The following CCDC141 variants were observed in gnomAD, a reference collection of about 807,000 sequenced individuals.
CCDC141 encodes coiled-coil domain-containing protein 141.
CCDC141 carries 168 observed loss-of-function variants against 181.0 expected under a neutral mutation model. That is an observed-to-expected ratio of 0.93 (90% CI 0.82 to 1.05). CCDC141 has a LOEUF of 1.05. CCDC141 is among the 50% of genes least tolerant of loss of function. CCDC141 has a pLI of 0.00. For synonymous variants in CCDC141, 666 were observed against 642.3 expected, an observed-to-expected ratio of 1.04 and a Z score of -0.56; for missense variants, 1,902 against 1,788.5, an observed-to-expected ratio of 1.06 and a Z score of -1.14.
chr2:179,015,063 C>CAG (rs202000740), intron 2 of CCDC141, among the ~76,000 whole-genome samples: 48 of 68,650 alleles, frequency 7.0e-4, no homozygotes, highest in Non-Finnish European at 7.0e-4. Flanking sequence ...GTGAGAGAGA[C>CAG]AGAGATATAT....
chr2:178,819,620 G>A, the CCDC141 span, among the ~76,000 whole-genome samples: 5 of 152,202 alleles, frequency 3.3e-5, no homozygotes, highest in East Asian at 7.7e-4. Context: ...GGGGATATTT[G>A]ACAATATTTG....
intron 2 of CCDC141, among the ~76,000 whole-genome samples, chr2:178,983,514 T>C (rs920568259): frequency 6.7e-6 from 1 of 149,258 alleles, no homozygotes; most frequent in East Asian, 2.0e-4. Flanking sequence ...ATCAAATTAT[T>C]CTGAGCTACG....
At chr2:178,989,605 A>AAT (rs1559031994) in intron 2 of CCDC141, among the ~76,000 whole-genome samples, 47,310 of 136,610 alleles carry the variant, frequency 0.35, 9,837 homozygotes, top group Non-Finnish European at 0.44. Flanking sequence ...AAAAAAAAAA[A>AAT]AAATAAATAA....
intron 17 of CCDC141, among the ~76,000 whole-genome samples, chr2:178,859,903 G>T (rs1031494861): frequency 3.9e-5 from 6 of 152,132 alleles, no homozygotes; most frequent in Admixed American, 3.9e-4. Context: ...TAGTCTTGAC[G>T]AAGCTGGTTG....
chr2:178,854,867 T>C (rs1685317279), intron 19 of CCDC141, among the ~76,000 whole-genome samples: 1 of 152,236 alleles, frequency 6.6e-6, no homozygotes, highest in South Asian at 2.1e-4. Context: ...TTCATATATT[T>C]TATGTATACT....
intron 6 of CCDC141, among the ~76,000 whole-genome samples, chr2:178,939,387 G>T (rs943923962): frequency 1.7e-4 from 26 of 152,102 alleles, no homozygotes; most frequent in Non-Finnish European, 2.5e-4. Context: ...AGGGCACATG[G>T]CTGTCTACAT....
intron 5 of CCDC141, among the ~76,000 whole-genome samples, chr2:178,946,706 CTGGGAAAGAGTGAGTTG>C (rs1250896214): frequency 6.6e-6 from 1 of 152,168 alleles, no homozygotes; most frequent in Non-Finnish European, 1.5e-5. Context: ...GTGATGAAAG[CTGGGAAAGAGTGAGTTG>C]TTTTGATTTT....
At chr2:178,826,714 GTTTC>G (rs1684129812), downstream of CCDC141, among the ~76,000 whole-genome samples, 1 of 151,884 alleles carries the variant, frequency 6.6e-6, no homozygotes, top group South Asian at 2.1e-4. Flanking sequence ...TGAGCTTAGA[GTTTC>G]TTTCATTTCT....
In CCDC141 at chr2:178,963,463, A is replaced by G. The variant is rs552401586; in HGVS notation, c.527-1980T>C. On this transcript the variant is annotated intron_variant, in intron 4 of 23. Transcript: ENST00000443758. ...GGGGAACTATGGAGAACACTCAGAG[A>G]CTAAGCATCTTACCAAGCCAGATAC... Among the ~76,000 whole-genome samples, 752 of 152,256 alleles carry G rather than the reference A, an allele frequency of 4.9e-3. 10 individuals are homozygous for G. The highest frequency in any genetic ancestry group is 0.017 in the African/African-American group (724 of 41,558).
At position 178,877,972 on chromosome 2, in the gene CCDC141, T is replaced by C; in HGVS notation, c.1891A>G (p.Ile631Val). Residue 631 changes from isoleucine to valine, a missense_variant, in exon 12 of 24, where the codon ATA becomes GTA. By Grantham distance (29) the Ile-to-Val change is conservative (BLOSUM62 3). Coordinates refer to ENST00000443758, the MANE Select transcript of CCDC141 (RefSeq NM_173648.4). ...TTTAATGCCATTCTTACCATATTTA[T>C]TAAATTAAGGAACTCAAGCCCTAGA... Reference protein sequence around the residue: ...QDLGLEFLNLINMAKENEILD... With the variant: ...QDLGLEFLNLVNMAKENEILD... 6.2e-7 allele frequency: 1 copy of C among 1,612,880 alleles called. No individual in the cohort carries two copies. Among genetic ancestry groups the C allele is most frequent in the Admixed American group, 1.7e-5 (1 of 59,926 alleles).
At chr2:179,036,304 C>T (rs557759992) in intron 2 of CCDC141, among the ~76,000 whole-genome samples, 11 of 152,282 alleles carry the variant, frequency 7.2e-5, no homozygotes, top group Middle Eastern at 3.4e-3. Context: ...CAACCTGAAC[C>T]GGTAACAAAT....
intron 5 of CCDC141, among the ~76,000 whole-genome samples, chr2:178,951,414 T>C (rs1375255632): frequency 6.6e-6 from 1 of 152,306 alleles, no homozygotes; most frequent in East Asian, 1.9e-4. Context: ...TACCAAAGTT[T>C]TGGCCTGAAC....
At chr2:178,921,247 C>T (rs1688675363) in intron 6 of CCDC141, among the ~76,000 whole-genome samples, 2 of 152,224 alleles carry the variant, frequency 1.3e-5, no homozygotes, top group African/African-American at 4.8e-5. Context: ...TTTCATAAAG[C>T]ACTTTTATTA....
chr2:179,001,028 G>T (rs1225967005), intron 2 of CCDC141, among the ~76,000 whole-genome samples: 2 of 152,084 alleles, frequency 1.3e-5, no homozygotes, highest in African/African-American at 4.8e-5. Context: ...ATTTGCCCAG[G>T]TCCATTTCAA....
At chr2:179,001,128 T>C (rs1352303109) in intron 2 of CCDC141, among the ~76,000 whole-genome samples, 1 of 152,122 alleles carries the variant, frequency 6.6e-6, no homozygotes, top group Non-Finnish European at 1.5e-5. Context: ...ATGAAAAAAG[T>C]CAAACACTGC....
intron 7 of CCDC141, among the ~76,000 whole-genome samples, chr2:178,908,712 A>C (rs1688091673): frequency 6.6e-6 from 1 of 152,232 alleles, no homozygotes; most frequent in African/African-American, 2.4e-5. Flanking sequence ...TTCTTCCTTA[A>C]GATAATTCTC....
chr2:179,015,580 T>TATATCTCTC (rs2042486076), intron 2 of CCDC141, among the ~76,000 whole-genome samples: 1 of 82,424 alleles, frequency 1.2e-5, no homozygotes, highest in South Asian at 3.9e-4. Flanking sequence ...ATATATCTCA[T>TATATCTCTC]ATATATCTCA....
intron 4 of CCDC141, among the ~76,000 whole-genome samples, chr2:178,970,426 T>C (rs900308191): frequency 9.2e-5 from 14 of 152,130 alleles, no homozygotes; most frequent in African/African-American, 3.4e-4. Context: ...AACAGATATA[T>C]AGACCAATGG....
chr2:178,927,169 G>A (rs994653895), intron 6 of CCDC141, among the ~76,000 whole-genome samples: 1 of 152,016 alleles, frequency 6.6e-6, no homozygotes, highest in Non-Finnish European at 1.5e-5. Flanking sequence ...GCAGGCTCTG[G>A]TTTTCAGCTC....
Sources: gnomAD v4.1 joint callset for allele counts (sites outside exome capture counted in the v4.1 genomes callset) on GRCh38, gnomAD v4.1.1 for gene constraint, MANE v1.5 for transcripts, NCBI Gene and HGNC (gene_info 2026-07-23, HGNC 2026-07-21) for gene names.